Variants in ADCY1 observed in about 807,000 individuals in gnomAD.
The protein encoded by ADCY1 is adenylate cyclase type 1.
A neutral mutation model predicts 105.4 loss-of-function variants in ADCY1; 28 were observed. That is an observed-to-expected ratio of 0.27 (90% CI 0.20 to 0.36). The LOEUF (loss-of-function observed/expected upper bound fraction) is 0.36. ADCY1 is among the 10% of genes least tolerant of loss of function. ADCY1 has a pLI of 1.00. For missense variants in ADCY1, 977 were observed against 1,434.2 expected (o/e 0.68, Z 5.15); for synonymous variants, 655 against 623.8 (o/e 1.05, Z -0.75).
chr7:45,622,768 C>G, intron 4 of ADCY1, 25 bp downstream of exon 4: 5 of 1,579,318 alleles, frequency 3.2e-6, no homozygotes, highest in Non-Finnish European at 3.5e-6. Flanking sequence ...TTTCTTTGTT[C>G]GAATTAAATT....
At chr7:45,666,732 A>G (rs1168012282) in intron 8 of ADCY1, among the ~76,000 whole-genome samples, 2 of 152,206 alleles carry the variant, frequency 1.3e-5, no homozygotes, top group Non-Finnish European at 2.9e-5. Flanking sequence ...GAACCAGTTT[A>G]CAGTCCCACC....
chr7:45,666,470 AT>A (rs1784257781), intron 8 of ADCY1, among the ~76,000 whole-genome samples: 1 of 152,042 alleles, frequency 6.6e-6, no homozygotes, highest in Non-Finnish European at 1.5e-5. Context: ...TGAATTCATC[AT>A]TTTTTATGGT....
Position 45,575,233 on chromosome 7 carries a change from C to G in ADCY1, c.639+51C>G. 1 of 1,522,770 alleles carries G rather than the reference C, an allele frequency of 6.6e-7. No individual in the cohort carries two copies. Among genetic ancestry groups the G allele is most frequent in the Non-Finnish European group, 8.8e-7 (1 of 1,141,356 alleles). 94.3% of individuals were successfully genotyped at this position (1,522,770 alleles called of 1,614,324 possible). On this transcript the variant is annotated intron_variant, in intron 1 of 19. Coordinates refer to ENST00000297323, the MANE Select transcript of ADCY1 (RefSeq NM_021116.4). This position sits in a 1 kb window ranked among gnomAD's most constrained non-coding sequence, Gnocchi z 4.7. Reference sequence around the variant, plus strand: ...CTGGTCTCGGACACACTTGCTGGGACGATGCTGGGAATGCCCGGAGTCGGG... The same window carrying G: ...CTGGTCTCGGACACACTTGCTGGGAGGATGCTGGGAATGCCCGGAGTCGGG...
At chr7:45,696,220 T>C (rs978088714) in intron 14 of ADCY1, among the ~76,000 whole-genome samples, 4 of 149,858 alleles carry the variant, frequency 2.7e-5, no homozygotes, top group Non-Finnish European at 6.0e-5. Flanking sequence ...GGGCGGATCA[T>C]GAGGTCAGGA....
At chr7:45,651,100 G>C (rs750714793) in intron 5 of ADCY1, among the ~76,000 whole-genome samples, 2 of 152,080 alleles carry the variant, frequency 1.3e-5, no homozygotes, top group Non-Finnish European at 2.9e-5. Flanking sequence ...TGTAGCTGCT[G>C]TCTGCTTGGG....
At chr7:45,616,604 C>A (rs755311030) in intron 3 of ADCY1, among the ~76,000 whole-genome samples, 1 of 152,056 alleles carries the variant, frequency 6.6e-6, no homozygotes, top group Non-Finnish European at 1.5e-5. Context: ...AAATATTTGA[C>A]AAAATTTGAC....
chr7:45,579,133 C>T (rs79515181), intron 1 of ADCY1, among the ~76,000 whole-genome samples: 3,398 of 152,168 alleles, frequency 0.022, 51 homozygotes, highest in South Asian at 0.047. Flanking sequence ...AACCCCAGCA[C>T]GCAGAATCAT....
chr7:45,607,856 G>A (rs147100430), intron 2 of ADCY1, among the ~76,000 whole-genome samples: 67 of 152,300 alleles, frequency 4.4e-4, no homozygotes, highest in African/African-American at 1.6e-3. Flanking sequence ...ATGGGCACCT[G>A]TGTTGATTTC....
intron 1 of ADCY1, among the ~76,000 whole-genome samples, chr7:45,589,579 A>C (rs1383113004): frequency 6.6e-6 from 1 of 152,158 alleles, no homozygotes; most frequent in Non-Finnish European, 1.5e-5. Flanking sequence ...CGAGAGTTCC[A>C]GACCTTGGGG....
chr7:45,690,511 C>T (rs546320419), intron 14 of ADCY1, among the ~76,000 whole-genome samples: 144 of 152,336 alleles, frequency 9.5e-4, no homozygotes, highest in African/African-American at 3.4e-3. Context: ...GCTACTGGCC[C>T]CTGCTCCCGC....
At chr7:45,657,525 C>T (rs759094049) in intron 5 of ADCY1, among the ~76,000 whole-genome samples, 1 of 152,252 alleles carries the variant, frequency 6.6e-6, no homozygotes, top group Non-Finnish European at 1.5e-5. Flanking sequence ...GCCACCCCTC[C>T]TGCCTAAGGC....
chr7:45,576,001 T>A (rs1584239831), intron 1 of ADCY1, among the ~76,000 whole-genome samples: 1 of 152,080 alleles, frequency 6.6e-6, no homozygotes, highest in South Asian at 2.1e-4. Context: ...TTTGAGAGCT[T>A]CCCCTTGTGC....
intron 14 of ADCY1, among the ~76,000 whole-genome samples, chr7:45,693,649 T>C (rs1407827796): frequency 6.6e-6 from 1 of 152,006 alleles, no homozygotes; most frequent in African/African-American, 2.4e-5. Flanking sequence ...TCTCTGATGG[T>C]AGTTTAACAT....
intron 1 of ADCY1, among the ~76,000 whole-genome samples, chr7:45,582,008 A>T (rs780640094): frequency 6.6e-6 from 1 of 151,988 alleles, no homozygotes; most frequent in Non-Finnish European, 1.5e-5. Flanking sequence ...ATGCACTTAC[A>T]CATTCACATG....
rs766853068 is a variant in ADCY1 at position 45,648,831 on chromosome 7, G to C, written c.1148+34G>C. The C allele has an allele frequency of 1.9e-6, 3 of 1,608,152 alleles. No individual in the cohort carries two copies. In the South Asian group the frequency reaches 3.3e-5, roughly 18 times the overall value. ...CCCGTGGGGCTGAGAGGAGTGGCCTGGGGCATCTACACATTGAAATCCTAG... is the reference window on the plus strand; with the variant it reads ...CCCGTGGGGCTGAGAGGAGTGGCCTCGGGCATCTACACATTGAAATCCTAG... On this transcript the variant is annotated intron_variant, in intron 5 of 19. Coordinates refer to ENST00000297323, the MANE Select transcript of ADCY1 (RefSeq NM_021116.4).
chr7:45,623,907 C>G (rs1793977393), intron 4 of ADCY1, among the ~76,000 whole-genome samples: 1 of 152,166 alleles, frequency 6.6e-6, no homozygotes, highest in Non-Finnish European at 1.5e-5. Context: ...CCTAGCATCC[C>G]TGCCCTGTGA....
rs200103818 is a variant in ADCY1, at chr7:45,684,999, G to A, written c.2004G>A (p.Thr668=). The stretch of plus-strand genomic sequence containing the variant: ...TTCAGTGTTTTCCAGGGTGCCTGAC[G>A]ATTCAGATTCGCACTGTCCTGTGTA... ...TRVQCFPGCL[T]IQIRTVLCIF... The change falls in exon 12 of 20, where the codon ACG becomes ACA. Residue 668 remains threonine (T), a synonymous_variant. Coordinates refer to ENST00000297323, the MANE Select transcript of ADCY1 (RefSeq NM_021116.4). The A allele has an allele frequency of 7.4e-6, 12 of 1,614,142 alleles. No individual in the cohort carries two copies. The highest frequency in any genetic ancestry group is 6.7e-5 in the Admixed American group (4 of 60,030).
At chr7:45,637,696 G>A (rs972587092) in intron 4 of ADCY1, among the ~76,000 whole-genome samples, 2 of 152,202 alleles carry the variant, frequency 1.3e-5, no homozygotes, top group East Asian at 3.8e-4. Context: ...CTGGACTCCA[G>A]CCTAGGTGAT....
chr7:45,685,634 G>A (rs960575891), intron 12 of ADCY1, among the ~76,000 whole-genome samples: 4 of 149,444 alleles, frequency 2.7e-5, no homozygotes, highest in South Asian at 2.2e-4. Context: ...GGACAGAGCC[G>A]GGGGCAGGAG....
Sources: gnomAD v4.1 joint callset for allele counts (sites outside exome capture counted in the v4.1 genomes callset) on GRCh38, gnomAD v4.1.1 for gene constraint, Gnocchi (gnomAD v3.1) non-coding constraint, MANE v1.5 for transcripts, NCBI Gene and HGNC (gene_info 2026-07-23, HGNC 2026-07-21) for gene names.